The following CCSER1 variants were observed in gnomAD, a reference collection of about 807,000 sequenced individuals.
The protein encoded by CCSER1 is coiled-coil serine rich protein 1.
Under a neutral mutation model 82.0 loss-of-function variants are expected in CCSER1, and 41 were observed. The observed-to-expected ratio is 0.50, with a 90% CI of 0.39 to 0.65. The LOEUF is 0.65. Among genes scored for constraint, CCSER1 ranks in the 30% least tolerant of loss-of-function variants. The probability of loss-of-function intolerance (pLI) is 0.00; values close to 1 mark genes in which losing one functional copy is unlikely to be tolerated. For missense variants in CCSER1, 1,119 were observed against 1,064.2 expected (o/e 1.05, Z -0.72); for synonymous variants, 414 against 383.9 (o/e 1.08, Z -0.92).
chr4:90,261,270 G>A (rs1275057376), intron 1 of CCSER1, among the ~76,000 whole-genome samples: 1 of 150,684 alleles, frequency 6.6e-6, no homozygotes, highest in South Asian at 2.1e-4. Flanking sequence ...AGAACTTTTA[G>A]CATTTTTCGT....
At chr4:90,513,305 CAA>C (rs1771815717) in intron 5 of CCSER1, among the ~76,000 whole-genome samples, 1 of 152,012 alleles carries the variant, frequency 6.6e-6, no homozygotes, top group Admixed American at 6.6e-5. Context: ...TTATGCTGTG[CAA>C]AGAGGGAAGG....
chr4:91,567,581 A>G (rs1016195675), intron 10 of CCSER1, among the ~76,000 whole-genome samples: 6 of 152,094 alleles, frequency 3.9e-5, no homozygotes, highest in African/African-American at 1.4e-4. Flanking sequence ...GTGCATATAT[A>G]TTTAATATAG....
At chr4:90,795,952 T>G (rs1755947758) in intron 7 of CCSER1, among the ~76,000 whole-genome samples, 1 of 152,160 alleles carries the variant, frequency 6.6e-6, no homozygotes, top group Non-Finnish European at 1.5e-5. Flanking sequence ...TGGCCTGAAG[T>G]TTTTTGTTGT....
chr4:91,089,829 A>G (rs867998987), intron 10 of CCSER1, among the ~76,000 whole-genome samples: 1 of 152,194 alleles, frequency 6.6e-6, no homozygotes, highest in African/African-American at 2.4e-5. Flanking sequence ...ATATCTTTAA[A>G]TATGTCTTCA....
intron 9 of CCSER1, among the ~76,000 whole-genome samples, chr4:91,061,636 C>T (rs1743963551): frequency 6.6e-6 from 1 of 152,014 alleles, no homozygotes; most frequent in African/African-American, 2.4e-5. Context: ...TTAGTCTCAT[C>T]CTCAGTTCTG....
At chr4:91,362,314 G>A (rs942741138) in intron 10 of CCSER1, among the ~76,000 whole-genome samples, 2 of 151,730 alleles carry the variant, frequency 1.3e-5, no homozygotes. Flanking sequence ...GTGGCCATGT[G>A]AGTAGGAGTA....
chr4:90,195,909 G>A (rs1736501679), intron 1 of CCSER1, among the ~76,000 whole-genome samples: 1 of 152,032 alleles, frequency 6.6e-6, no homozygotes, highest in Non-Finnish European at 1.5e-5. Flanking sequence ...GTTTCAGTAA[G>A]TTATATCCAT....
intron 5 of CCSER1, among the ~76,000 whole-genome samples, chr4:90,481,174 C>G (rs984136953): frequency 6.6e-6 from 1 of 152,030 alleles, no homozygotes; most frequent in Non-Finnish European, 1.5e-5. Context: ...ATTTGGCTCT[C>G]TGTTATTGGT....
At chr4:90,700,543 C>T (rs911702236) in intron 6 of CCSER1, among the ~76,000 whole-genome samples, 3 of 152,098 alleles carry the variant, frequency 2.0e-5, no homozygotes, top group Non-Finnish European at 2.9e-5. Flanking sequence ...TTCTAGTTCT[C>T]GATCCTTGAG....
intron 9 of CCSER1, among the ~76,000 whole-genome samples, chr4:90,980,140 T>C (rs1031510387): frequency 6.6e-6 from 1 of 151,834 alleles, no homozygotes; most frequent in African/African-American, 2.4e-5. Flanking sequence ...ATCAGAGACC[T>C]TACTTAAAGG....
intron 5 of CCSER1, among the ~76,000 whole-genome samples, chr4:90,470,971 C>T (rs1764323900): frequency 6.6e-6 from 1 of 151,822 alleles, no homozygotes; most frequent in Non-Finnish European, 1.5e-5. Context: ...CCACAATTGA[C>T]ATATTGGTGA....
intron 7 of CCSER1, chr4:90,781,261 C>T (rs925841328): frequency 4.0e-5 from 39 of 984,248 alleles, no homozygotes; most frequent in East Asian, 1.1e-4. Flanking sequence ...AAAGAGTATG[C>T]ACCATAACAC....
intron 3 of CCSER1, among the ~76,000 whole-genome samples, chr4:90,394,752 T>C (rs1233181919): frequency 6.6e-6 from 1 of 152,198 alleles, no homozygotes; most frequent in African/African-American, 2.4e-5. Flanking sequence ...ATTTTATACA[T>C]ATATCTTTAT....
chr4:90,317,283 C>A (rs1257795769), intron 3 of CCSER1, among the ~76,000 whole-genome samples: 3 of 151,986 alleles, frequency 2.0e-5, no homozygotes, highest in Non-Finnish European at 4.4e-5. Flanking sequence ...AGGAAAAATG[C>A]CTAAGTGGAT....
chr4:91,161,849 G>A (rs1276156050), intron 10 of CCSER1, among the ~76,000 whole-genome samples: 4 of 152,130 alleles, frequency 2.6e-5, no homozygotes, highest in Non-Finnish European at 5.9e-5. Flanking sequence ...AGATGATGGG[G>A]TTTTCTAAAT....
chr4:90,783,194 TG>T (rs1011343086), intron 7 of CCSER1, among the ~76,000 whole-genome samples: 7 of 152,166 alleles, frequency 4.6e-5, no homozygotes, highest in African/African-American at 9.6e-5. Context: ...CTAAAAAGCT[TG>T]GAAGGCATTA....
intron 10 of CCSER1, among the ~76,000 whole-genome samples, chr4:91,306,988 G>A (rs1263649117): frequency 6.6e-6 from 1 of 151,902 alleles, no homozygotes; most frequent in Non-Finnish European, 1.5e-5. Context: ...AATTAGAAGA[G>A]ACTACAATTA....
chr4:90,602,189 G>A (rs969813000), intron 5 of CCSER1, among the ~76,000 whole-genome samples: 1 of 151,992 alleles, frequency 6.6e-6, no homozygotes, highest in Non-Finnish European at 1.5e-5. Flanking sequence ...GTATTTTGAA[G>A]CTCTGTTATT....
intron 10 of CCSER1, among the ~76,000 whole-genome samples, chr4:91,204,061 A>C (rs1560513848): frequency 6.6e-6 from 1 of 151,890 alleles, no homozygotes; most frequent in Non-Finnish European, 1.5e-5. Flanking sequence ...TTGTTAGATA[A>C]CTAAATATTT....
Sources: allele counts gnomAD v4.1 joint callset (sites outside exome capture counted in the v4.1 genomes callset), GRCh38; gene constraint gnomAD v4.1.1; transcripts MANE v1.5; gene names NCBI Gene and HGNC (gene_info 2026-07-23, HGNC 2026-07-21).